Variants in ZNF205 observed in about 807,000 individuals in gnomAD.
ZNF205 encodes the protein transcriptional repressor RHIT.
ZNF205 carries 32 observed loss-of-function variants against 53.6 expected under a neutral mutation model. That is an observed-to-expected ratio of 0.60 (90% CI 0.45 to 0.80). The LOEUF (loss-of-function observed/expected upper bound fraction) is 0.80. ZNF205 is among the 30% of genes least tolerant of loss of function. The pLI is 0.00. For missense variants in ZNF205, 836 were observed against 782.4 expected (o/e 1.07, Z -0.82); for synonymous variants, 382 against 334.3 (o/e 1.14, Z -1.56).
In ZNF205 at chr16:3,115,508, TG is replaced by T. The variant is rs762077437; in HGVS notation, c.215del (p.Gly72AlafsTer5). 1 of 1,604,272 alleles carries T rather than the reference TG, an allele frequency of 6.2e-7. No homozygotes were observed. The highest frequency in any genetic ancestry group is 1.3e-5 in the African/African-American group (1 of 74,314). ...GCAGGAGGATGGGGCTCAAGGTGCC[TG>T]GGGCTGGGCACCCCTAAGTCACGGC... ...ASQEDGAQGA[W>X]GWAPLSHGSK... On this transcript the variant is annotated frameshift_variant, in exon 3 of 7. Transcript: ENST00000219091. LOFTEE classifies it high-confidence loss of function.
Position 3,120,243 on chromosome 16 carries a change from C to T in ZNF205, c.1583C>T (p.Thr528Ile), listed in dbSNP as rs758924075. Residue 528 changes from threonine to isoleucine, a missense_variant, in exon 7 of 7, where the codon ACC becomes ATC. By Grantham distance (89) the Thr-to-Ile change is moderately conservative (BLOSUM62 -1). Transcript: ENST00000219091. ...CACCGGCACGAGAAGATCCACACCA[C>T]CGGGCCCAAGGCCCTGGCCATGCTG... ...NLHRHEKIHT[T>I]GPKALAMLML... is the part of the protein sequence containing the mutation. The T allele has an allele frequency of 6.2e-7, 1 of 1,607,196 alleles. No homozygotes were observed. The highest frequency in any genetic ancestry group is 8.5e-7 in the Non-Finnish European group (1 of 1,179,668).
In ZNF205 at chr16:3,120,163, GCGGCC is replaced by G. The variant is rs1340256195; in HGVS notation, c.1505_1509del (p.Arg502LeufsTer111). 6.2e-6 allele frequency: 10 copies of G among 1,606,750 alleles called. No individual in the cohort carries two copies. The highest frequency in any genetic ancestry group is 6.8e-6 in the Non-Finnish European group (8 of 1,175,562). ...CGCACCAGCGCACCCACCGTGGCGT[GCGGCC>G]CTACGCCTGCCCGTTGTGCGGCAAG... On this transcript the variant is annotated frameshift_variant, in exon 7 of 7. Coordinates refer to ENST00000219091, the MANE Select transcript of ZNF205 (RefSeq NM_001042428.2). LOFTEE classifies it high-confidence loss of function.
rs1957347738 is a variant in ZNF205, at chr16:3,116,513, G to A, written c.450G>A (p.Arg150=). ...RLDHTQQNFY[R]DVLQKKNGLS... The stretch of plus-strand genomic sequence containing the variant: ...ACCACACGCAGCAGAACTTCTACAG[G>A]GATGTCCTGCAGAAGAAAAATGGGC... The change falls in exon 5 of 7, where the codon AGG becomes AGA. Residue 150 remains arginine (R), a synonymous_variant. Coordinates refer to ENST00000219091, the MANE Select transcript of ZNF205 (RefSeq NM_001042428.2). The A allele has an allele frequency of 1.2e-6, 2 of 1,614,038 alleles. No homozygotes were observed. Among genetic ancestry groups the A allele is most frequent in the South Asian group, 1.1e-5 (1 of 91,078 alleles).
chr16:3,119,805 ACCAGCGCAT>A lies in ZNF205; in HGVS notation c.1149_1157del (p.Gln383_Ile385del). 2 of 1,613,792 alleles carry A rather than the reference ACCAGCGCAT, an allele frequency of 1.2e-6. No individual in the cohort carries two copies. Among genetic ancestry groups the A allele is most frequent in the Non-Finnish European group, 1.7e-6 (2 of 1,179,898 alleles). On this transcript the variant is annotated inframe_deletion, in exon 7 of 7. Transcript: ENST00000219091. ...AGCCACCACTCCACGCTGATTCAGC[ACCAGCGCAT>A]CCACACCGGAGAGAAGCCCTACGTG...
rs1211552125 is a variant in ZNF205, at chr16:3,119,713, C to T, written c.1053C>T (p.Leu351=). The part of the protein sequence containing the change: ...CGKRFGRSSH[L]IQHQIIHTGE... ...AGCGCTTCGGCCGCAGCTCGCACCT[C>T]ATCCAGCACCAGATCATCCACACGG... is the stretch of plus-strand genomic sequence containing the variant. Residue 351 remains leucine, a synonymous_variant, in exon 7 of 7, where the codon CTC becomes CTT. Coordinates refer to ENST00000219091, the MANE Select transcript of ZNF205 (RefSeq NM_001042428.2). The T allele has an allele frequency of 1.2e-6, 2 of 1,612,964 alleles. No homozygotes were observed. The highest frequency in any genetic ancestry group is 1.7e-6 in the Non-Finnish European group (2 of 1,179,702).
At position 3,115,390 on chromosome 16, in the gene ZNF205, T is replaced by C. The variant is rs766906678; in HGVS notation, c.93T>C (p.Pro31=). The C allele has an allele frequency of 2.6e-5, 41 of 1,607,470 alleles. No individual in the cohort carries two copies. The East Asian group carries it at 6.8e-4, about 27-fold the overall frequency. Residue 31 remains proline (P), a synonymous_variant, in exon 3 of 7, where the codon CCT becomes CCC. Transcript: ENST00000219091. The part of the protein sequence containing the change: ...PDRGHPHQEM[P]SKLGEAVPSG... Reference sequence around the variant, plus strand: ...GTGGACATCCTCATCAGGAAATGCCTTCTAAGCTGGGGGAGGCGGTACCTT... The same window carrying C: ...GTGGACATCCTCATCAGGAAATGCCCTCTAAGCTGGGGGAGGCGGTACCTT...
chr16:3,114,882 C>T (rs1451926964), intron 2 of ZNF205: 3 of 152,418 alleles, frequency 2.0e-5, no homozygotes. Context: ...TGTGTCCTCT[C>T]CTATTCTTAT....
At chr16:3,118,823 G>A in intron 5 of ZNF205, 82 bp from the exon 6 acceptor site, 1 of 1,417,728 alleles carries the variant, frequency 7.1e-7, no homozygotes, top group Non-Finnish European at 9.6e-7. Flanking sequence ...CCCTACTTGG[G>A]CCCATCAGTT....
chr16:3,118,906 C>T lies in ZNF205; in HGVS notation c.486C>T (p.Gly162=), dbSNP rs1211267301. 6.2e-7 allele frequency: 1 copy of T among 1,613,126 alleles called. No homozygotes were observed. The highest frequency in any genetic ancestry group is 1.3e-5 in the African/African-American group (1 of 74,932). ...VLQKKNGLSL[G]FPFSRPFWAP... The stretch of plus-strand genomic sequence containing the variant: ...AGCACAGCATCTCTTTCTGGGCAGG[C>T]TTTCCCTTCAGCAGGCCTTTCTGGG... The change falls in exon 6 of 7, where the codon GGC becomes GGT. Residue 162 remains glycine (G), a splice_region_variant and synonymous_variant. Transcript: ENST00000219091.
chr16:3,118,271 C>T (rs752806251), intron 5 of ZNF205, among the ~76,000 whole-genome samples: 19 of 152,150 alleles, frequency 1.2e-4, no homozygotes, highest in Non-Finnish European at 2.6e-4. Flanking sequence ...GGTCACCCCT[C>T]AATTAGCTCA....
intron 5 of ZNF205, among the ~76,000 whole-genome samples, chr16:3,118,012 C>CTTTTTTTTTTTTT (rs71158135): frequency 5.6e-3 from 417 of 74,256 alleles, no homozygotes; most frequent in East Asian, 5.9e-3. Context: ...CCATGCCCGG[C>CTTTTTTTTTTTTT]TTTTTTTTTT....
rs551633258 is a variant in ZNF205, at chr16:3,118,797, T to C, written c.485-108T>C. The C allele has an allele frequency of 2.0e-5, 25 of 1,228,726 alleles. No individual in the cohort carries two copies. In the African/African-American group the frequency reaches 3.7e-4, roughly 18 times the overall value. The allele number at this position is 1,228,726 out of a possible 1,614,324, so 76.1% of individuals were successfully genotyped here. A position where few individuals can be genotyped will look rare whatever the true frequency, so the allele number is the denominator to read the frequency against. On this transcript the variant is annotated intron_variant, in intron 5 of 6. Transcript: ENST00000219091. ...TGAAACTGCTTTATTTTACCCCCTG[T>C]TTCCAGAGCCTCACCCCCTACTTGG... is the stretch of plus-strand genomic sequence containing the variant.
chr16:3,119,670 C>T lies in ZNF205; in HGVS notation c.1010C>T (p.Ala337Val). ...RRTHTGEKPY[A>V]CTDCGKRFGR... ...ACGCACACGGGCGAGAAGCCCTACG[C>T]CTGCACTGACTGCGGGAAGCGCTTC... is the stretch of plus-strand genomic sequence containing the variant. Residue 337 changes from alanine (A) to valine (V), a missense_variant, in exon 7 of 7, where the codon GCC (alanine) becomes GTC (valine). Transcript: ENST00000219091. 6.2e-7 allele frequency: 1 copy of T among 1,612,066 alleles called. No homozygotes were observed. The highest frequency in any genetic ancestry group is 8.5e-7 in the Non-Finnish European group (1 of 1,179,400).
At position 3,116,459 on chromosome 16, in the gene ZNF205, C is replaced by T. The variant is rs1436369423; in HGVS notation, c.396C>T (p.Tyr132=). ...MPVTFEDVAL[Y]LSREEWGRLD... ...TGACTTTCGAGGATGTGGCCTTGTA[C>T]CTCTCCCGGGAGGAGTGGGGACGGC... is the stretch of plus-strand genomic sequence containing the variant. The change falls in exon 5 of 7, where the codon TAC becomes TAT. Residue 132 remains tyrosine (Y), a synonymous_variant. Transcript: ENST00000219091. 6.2e-7 allele frequency: 1 copy of T among 1,614,108 alleles called. No individual in the cohort carries two copies. Among genetic ancestry groups the T allele is most frequent in the East Asian group, 2.2e-5 (1 of 44,888 alleles).
intron 2 of ZNF205, 115 bp from the exon 3 acceptor site, chr16:3,115,240 C>T: frequency 1.3e-6 from 1 of 791,202 alleles, no homozygotes; most frequent in Non-Finnish European, 1.8e-6. Flanking sequence ...GCAGCAAGGA[C>T]AGTCCTTCAA....
intron 5 of ZNF205, among the ~76,000 whole-genome samples, chr16:3,118,658 T>C (rs1201333877): frequency 6.6e-6 from 1 of 152,100 alleles, no homozygotes; most frequent in African/African-American, 2.4e-5. Flanking sequence ...ATGTAGGGTG[T>C]TGCCCACTCC....
Position 3,120,499 on chromosome 16 carries a change from T to TA in ZNF205, c.*177dup, listed in dbSNP as rs1346149023. ...GAGAAAGGGCAGGCACTCTGCGAAT[T>TA]AAAGGCCTTGGACTTGAAGCGCCCG... On this transcript the variant is annotated 3_prime_UTR_variant, in exon 7 of 7. Coordinates refer to ENST00000219091, the MANE Select transcript of ZNF205 (RefSeq NM_001042428.2). 9.8e-6 allele frequency: 8 copies of TA among 812,526 alleles called. No homozygotes were observed. Among genetic ancestry groups the TA allele is most frequent in the Admixed American group, 9.0e-5 (3 of 33,280 alleles). The allele number at this position is 812,526 out of a possible 1,614,324, so 50.3% of individuals were successfully genotyped here.
chr16:3,116,340 G>C, intron 4 of ZNF205, 87 bp from the exon 5 acceptor site: 1 of 1,567,848 alleles, frequency 6.4e-7, no homozygotes, highest in South Asian at 1.2e-5. Context: ...TTGGGAGTCC[G>C]GGGTCTCACC....
chr16:3,115,855 C>CTTT lies in ZNF205; in HGVS notation c.299_301dup (p.Leu100_Ser101insPhe). ...CCTCCCCTCCCCCCGGATCCCCGTG[C>CTTT]TTTCCCGAGAGGGGAGGACCAGAGA... On this transcript the variant is annotated inframe_insertion, in exon 4 of 7. Coordinates refer to ENST00000219091, the MANE Select transcript of ZNF205 (RefSeq NM_001042428.2). 6.2e-7 allele frequency: 1 copy of CTTT among 1,614,036 alleles called. No individual in the cohort carries two copies.
Sources: allele counts gnomAD v4.1 joint callset (sites outside exome capture counted in the v4.1 genomes callset), GRCh38; gene constraint gnomAD v4.1.1; transcripts MANE v1.5; gene names NCBI Gene and HGNC (gene_info 2026-07-23, HGNC 2026-07-21).